AGBL4: variants seen among roughly 807,000 people sequenced by gnomAD.
AGBL4 encodes the protein AGBL carboxypeptidase 4, also known as cytosolic carboxypeptidase 6.
A neutral mutation model predicts 66.4 loss-of-function variants in AGBL4; 58 were observed. That is an observed-to-expected ratio of 0.87 (90% confidence interval 0.71 to 1.09). The LOEUF (loss-of-function observed/expected upper bound fraction) is 1.09, where lower values mean the gene tolerates loss of function less well. Among genes scored for constraint, AGBL4 ranks in the 50% least tolerant of loss-of-function variants. The pLI is 0.00. For synonymous variants in AGBL4, 234 were observed against 222.9 expected (o/e 1.05, Z -0.44); for missense variants, 579 against 631.0 (o/e 0.92, Z 0.88).
chr1:49,893,526 T>C (rs1648862127), intron 1 of AGBL4, among the ~76,000 whole-genome samples: 1 of 152,126 alleles, frequency 6.6e-6, no homozygotes, highest in Non-Finnish European at 1.5e-5. Context: ...CTGGCCGCAT[T>C]CACCATAAAC....
chr1:48,531,941 G>C (rs575002209), downstream of AGBL4, among the ~76,000 whole-genome samples: 148 of 152,068 alleles, frequency 9.7e-4, 1 homozygote, highest in Non-Finnish European at 1.7e-3. Flanking sequence ...GTGCCACCAC[G>C]CCTGGCTAAT....
chr1:49,537,559 A>G (rs889015764), intron 3 of AGBL4, among the ~76,000 whole-genome samples: 8 of 152,346 alleles, frequency 5.3e-5, no homozygotes, highest in Non-Finnish European at 1.0e-4. Flanking sequence ...AATGTTCAAC[A>G]TCACTAATCA....
At chr1:48,796,857 A>G (rs933462981) in intron 6 of AGBL4, among the ~76,000 whole-genome samples, 2 of 152,326 alleles carry the variant, frequency 1.3e-5, no homozygotes, top group South Asian at 4.1e-4. Context: ...AACACCATCC[A>G]ACCATGTGAT....
intron 1 of AGBL4, chr1:50,017,506 T>C (rs1016001729): frequency 3.3e-5 from 5 of 152,292 alleles, no homozygotes; most frequent in African/African-American, 1.2e-4. Flanking sequence ...TCCTCAATTA[T>C]TATATACATA....
intron 6 of AGBL4, among the ~76,000 whole-genome samples, chr1:48,733,108 C>T (rs1217424751): frequency 5.9e-5 from 9 of 152,134 alleles, no homozygotes; most frequent in African/African-American, 2.2e-4. Flanking sequence ...GGGTGTAGCT[C>T]GTCTTTCCAG....
intron 6 of AGBL4, among the ~76,000 whole-genome samples, chr1:48,816,786 T>C (rs1319403756): frequency 6.6e-6 from 1 of 152,190 alleles, no homozygotes; most frequent in African/African-American, 2.4e-5. Context: ...GTTCTGTCTG[T>C]AAAGCGTCCA....
intron 4 of AGBL4, among the ~76,000 whole-genome samples, chr1:49,196,531 A>C (rs1376921651): frequency 2.0e-5 from 3 of 152,150 alleles, no homozygotes; most frequent in Non-Finnish European, 4.4e-5. Flanking sequence ...AGGATCCATT[A>C]CTAGAAAATT....
intron 3 of AGBL4, among the ~76,000 whole-genome samples, chr1:49,439,610 C>T (rs1307367602): frequency 6.6e-6 from 1 of 152,160 alleles, no homozygotes; most frequent in Non-Finnish European, 1.5e-5. Context: ...ACACCTGAGT[C>T]AGTGGGCTGG....
intron 6 of AGBL4, among the ~76,000 whole-genome samples, chr1:48,744,528 G>A (rs889602465): frequency 3.9e-5 from 6 of 152,102 alleles, no homozygotes; most frequent in Non-Finnish European, 1.5e-5. Context: ...CTGAAAAGAG[G>A]AGGTCCATGA....
At chr1:49,801,284 G>A (rs1292654063) in intron 2 of AGBL4, among the ~76,000 whole-genome samples, 1 of 152,278 alleles carries the variant, frequency 6.6e-6, no homozygotes, top group Non-Finnish European at 1.5e-5. Flanking sequence ...ACATGAGACT[G>A]AATTCTGCCA....
intron 1 of AGBL4, among the ~76,000 whole-genome samples, chr1:49,873,349 A>T (rs1646885576): frequency 6.6e-6 from 1 of 151,992 alleles, no homozygotes; most frequent in African/African-American, 2.4e-5. Flanking sequence ...CCAGAGACTC[A>T]TTTTCTTCCA....
chr1:48,861,128 G>A (rs1647427624), intron 6 of AGBL4, among the ~76,000 whole-genome samples: 1 of 152,086 alleles, frequency 6.6e-6, no homozygotes, highest in Admixed American at 6.5e-5. Flanking sequence ...AATATTGAAA[G>A]AGACAGAAAA....
chr1:48,724,628 A>T (rs1296151213), intron 6 of AGBL4, among the ~76,000 whole-genome samples: 1 of 152,222 alleles, frequency 6.6e-6, no homozygotes, highest in East Asian at 1.9e-4. Context: ...TTGGAAAAAG[A>T]CTACATGAGA....
intron 5 of AGBL4, among the ~76,000 whole-genome samples, chr1:49,030,912 A>G (rs959342405): frequency 6.6e-6 from 1 of 152,030 alleles, no homozygotes; most frequent in Non-Finnish European, 1.5e-5. Flanking sequence ...TGATACCATC[A>G]AGAAAGTGAA....
intron 6 of AGBL4, among the ~76,000 whole-genome samples, chr1:48,721,114 A>T (rs1189115717): frequency 6.6e-6 from 1 of 151,688 alleles, no homozygotes; most frequent in Admixed American, 6.6e-5. Context: ...GGGGAAGGAG[A>T]GTGTGGATAG....
Position 48,634,617 on chromosome 1 carries a change from C to A in AGBL4, c.840-13G>T. On this transcript the variant is annotated splice_polypyrimidine_tract_variant and intron_variant, in intron 8 of 13. Coordinates refer to ENST00000371839, the MANE Select transcript of AGBL4 (RefSeq NM_032785.4). ...CATCAGAGAACACCTAGGCAGTACC[C>A]AAAGTAAGAGTCAATATAGACAGGA... 1 of 1,568,654 alleles carries A rather than the reference C, an allele frequency of 6.4e-7. No homozygotes were observed. Among genetic ancestry groups the A allele is most frequent in the East Asian group, 2.3e-5 (1 of 43,260 alleles).
chr1:49,413,750 T>C (rs1432236858), intron 3 of AGBL4, among the ~76,000 whole-genome samples: 5 of 152,218 alleles, frequency 3.3e-5, no homozygotes, highest in African/African-American at 1.2e-4. Context: ...AATAAAATTA[T>C]ACATGAAAAA....
intron 2 of AGBL4, among the ~76,000 whole-genome samples, chr1:49,824,496 T>C (rs977319488): frequency 4.6e-5 from 7 of 152,146 alleles, no homozygotes; most frequent in African/African-American, 1.7e-4. Context: ...AAGAAATGAT[T>C]GATAATGAAA....
At chr1:48,677,326 TGAG>T (rs1219201193) in intron 6 of AGBL4, among the ~76,000 whole-genome samples, 1 of 152,086 alleles carries the variant, frequency 6.6e-6, no homozygotes, top group Non-Finnish European at 1.5e-5. Context: ...GCTGCATGCA[TGAG>T]GAGAAGGAGA....
Sources: gnomAD v4.1 joint callset for allele counts (sites outside exome capture counted in the v4.1 genomes callset) on GRCh38, gnomAD v4.1.1 for gene constraint, MANE v1.5 for transcripts, NCBI Gene and HGNC (gene_info 2026-07-23, HGNC 2026-07-21) for gene names.